MAU2: variants seen among roughly 807,000 people sequenced by gnomAD.
MAU2 encodes MAU2 sister chromatid cohesion factor.
A neutral mutation model predicts 89.1 loss-of-function variants in MAU2; 9 were observed. That is an observed-to-expected ratio of 0.10 (90% confidence interval 0.06 to 0.18). The LOEUF is 0.18. Ranked by LOEUF, MAU2 falls within the 10% of genes least tolerant of loss-of-function variation. The pLI is 1.00. For missense variants in MAU2, 425 were observed against 803.5 expected (o/e 0.53, Z 5.69); for synonymous variants, 357 against 343.4 (o/e 1.04, Z -0.44).
intron 5 of MAU2, among the ~76,000 whole-genome samples, chr19:19,339,915 TC>T (rs1315179049): frequency 3.3e-5 from 5 of 151,640 alleles, no homozygotes; most frequent in African/African-American, 9.7e-5. Context: ...ACACCTGTAA[TC>T]CCAGCACTTT....
chr19:19,336,009 AG>A (rs2061593597), intron 2 of MAU2, 112 bp from the exon 3 acceptor site: 1 of 789,416 alleles, frequency 1.3e-6, no homozygotes, highest in Non-Finnish European at 2.2e-6. Flanking sequence ...ATTTCAGGGC[AG>A]GCAGGGACGT....
chr19:19,345,638 C>G lies in MAU2; in HGVS notation c.1221+269C>G, dbSNP rs2061687350. ...GCGACGCGTCCGGGGACACCACTTT[C>G]ATGCCTGAGTGGGAACTTTTGCGGC... On this transcript the variant is annotated intron_variant, in intron 12 of 18. Transcript: ENST00000262815. This position sits in a 1 kb window ranked among gnomAD's most constrained non-coding sequence, Gnocchi z 4.9. Among the ~76,000 whole-genome samples the G allele has an allele frequency of 6.6e-6, 1 of 152,196 alleles. No individual in the cohort carries two copies. Among genetic ancestry groups the G allele is most frequent in the African/African-American group, 2.4e-5 (1 of 41,438 alleles).
rs777421312 is a variant in MAU2 at position 19,320,889 on chromosome 19, G to A, written c.30G>A (p.Gln10=). MAAQAAAAA[Q]AAAAQAAQAE... is the part of the protein sequence containing the mutation. ...CGGCTCAGGCGGCGGCAGCGGCCCAGGCGGCGGCGGCCCAGGCTGCGCAGG... is the reference window on the plus strand; with the variant it reads ...CGGCTCAGGCGGCGGCAGCGGCCCAAGCGGCGGCGGCCCAGGCTGCGCAGG... The change falls in exon 1 of 19, where the codon CAG becomes CAA. Residue 10 remains glutamine (Q), a synonymous_variant. Transcript: ENST00000262815. 1.3e-6 allele frequency: 2 copies of A among 1,491,952 alleles called. No homozygotes were observed. Among genetic ancestry groups the A allele is most frequent in the East Asian group, 2.5e-5 (1 of 39,346 alleles). 92.4% of individuals were successfully genotyped at this position (1,491,952 alleles called of 1,614,324 possible). A position where few individuals can be genotyped will look rare whatever the true frequency, so the allele number is the denominator to read the frequency against.
chr19:19,344,997 C>T, intron 11 of MAU2, 71 bp downstream of exon 11: 1 of 1,401,578 alleles, frequency 7.1e-7, no homozygotes, highest in South Asian at 1.2e-5. Context: ...TAACCAGATC[C>T]AGAACATTCC....
chr19:19,350,106 C>G (rs898135023), intron 16 of MAU2, among the ~76,000 whole-genome samples: 2 of 145,306 alleles, frequency 1.4e-5, no homozygotes, highest in African/African-American at 5.1e-5. Flanking sequence ...ACCAGCCTAG[C>G]CAACATAGTG....
At chr19:19,329,083 A>G (rs1220761965) in intron 1 of MAU2, 1 of 455,910 alleles carries the variant, frequency 2.2e-6, no homozygotes, top group Admixed American at 2.4e-5. Flanking sequence ...TCACTTTCTC[A>G]GCAAGTGATT....
intron 1 of MAU2, among the ~76,000 whole-genome samples, chr19:19,331,398 A>G (rs1233745337): frequency 1.3e-5 from 2 of 151,824 alleles, no homozygotes; most frequent in Non-Finnish European, 2.9e-5. Context: ...GCTACTCAGG[A>G]GGCTGAGGCA....
rs3752150 is a variant in MAU2, at chr19:19,354,580, A to G, written c.1639+135A>G. The G allele has an allele frequency of 6.1e-3, 4,574 of 744,958 alleles. 195 individuals are homozygous for G. The East Asian group carries it at 0.093, about 15-fold the overall frequency. 46.1% of individuals were successfully genotyped at this position (744,958 alleles called of 1,614,324 possible). On this transcript the variant is annotated intron_variant, in intron 17 of 18. Coordinates refer to ENST00000262815, the MANE Select transcript of MAU2 (RefSeq NM_015329.4). ...CCGCAGCCCCAGTTCTAGCATGGGT[A>G]GGGGGTGCTCCTCAGGAGACCCTGG... is the stretch of plus-strand genomic sequence containing the variant.
chr19:19,334,967 G>A (rs1020747265), intron 1 of MAU2, among the ~76,000 whole-genome samples: 2 of 152,236 alleles, frequency 1.3e-5, no homozygotes, highest in African/African-American at 4.8e-5. Flanking sequence ...TGGCACATGC[G>A]AGTCGCTGGG....
rs1415782446 is a variant in MAU2, at chr19:19,357,070, C to T, written c.*1288C>T. On this transcript the variant is annotated 3_prime_UTR_variant, in exon 19 of 19. Coordinates refer to ENST00000262815, the MANE Select transcript of MAU2 (RefSeq NM_015329.4). Reference sequence around the variant, plus strand: ...TGTCACCCTCACTCAGTGGAACTGCCTCTGGGAGCTTTGGCGTCTGTGACT... The same window carrying T: ...TGTCACCCTCACTCAGTGGAACTGCTTCTGGGAGCTTTGGCGTCTGTGACT... The T allele has an allele frequency of 6.6e-6, 1 of 152,308 alleles. No individual in the cohort carries two copies. Among genetic ancestry groups the T allele is most frequent in the Non-Finnish European group, 1.5e-5 (1 of 68,152 alleles). 9.4% of individuals were successfully genotyped at this position (152,308 alleles called of 1,614,324 possible).
Position 19,338,831 on chromosome 19 carries a change from T to A in MAU2, c.457-14T>A. The A allele has an allele frequency of 1.9e-6, 3 of 1,604,600 alleles. No individual in the cohort carries two copies. The highest frequency in any genetic ancestry group is 2.6e-6 in the Non-Finnish European group (3 of 1,173,632). On this transcript the variant is annotated splice_polypyrimidine_tract_variant and intron_variant, in intron 4 of 18. Transcript: ENST00000262815. ...GGTTTGGCAGCAAAGGTCACTGCTC[T>A]CTTTCCTTTTTAGCAACTGCACACG...
intron 1 of MAU2, among the ~76,000 whole-genome samples, chr19:19,329,621 C>G (rs1279793852): frequency 6.6e-6 from 1 of 152,080 alleles, no homozygotes; most frequent in Non-Finnish European, 1.5e-5. Flanking sequence ...GCCAGGGAAG[C>G]TGCTAAATGC....
Position 19,344,886 on chromosome 19 carries a change from G to T in MAU2, c.1115G>T (p.Arg372Leu). 6.2e-7 allele frequency: 1 copy of T among 1,613,718 alleles called. No homozygotes were observed. The highest frequency in any genetic ancestry group is 8.5e-7 in the Non-Finnish European group (1 of 1,179,998). Residue 372 changes from arginine to leucine, a missense_variant, in exon 11 of 19, where the codon CGG becomes CTG. This residue lies in a region of MAU2 where 39 missense variants were observed against 56.3 expected (regional missense o/e 0.69). Coordinates refer to ENST00000262815, the MANE Select transcript of MAU2 (RefSeq NM_015329.4). ...TGCCAGCTGTGCCAGCAGTCCCCCC[G>T]GCTCTTCTCCAACCATGCAGCACAG... ...QVCQLCQQSPRLFSNHAAQLH... is the reference protein window; with the variant it reads ...QVCQLCQQSPLLFSNHAAQLH...
At chr19:19,323,568 G>A (rs756535208) in intron 1 of MAU2, among the ~76,000 whole-genome samples, 3 of 152,072 alleles carry the variant, frequency 2.0e-5, no homozygotes, top group Non-Finnish European at 2.9e-5. Flanking sequence ...GTGCACTGGC[G>A]TGATCTCAGC....
Position 19,354,550 on chromosome 19 carries a change from G to A in MAU2, c.1639+105G>A, listed in dbSNP as rs550786480. The A allele has an allele frequency of 8.8e-4, 855 of 975,372 alleles. 1 individual carries two copies. The highest frequency in any genetic ancestry group is 1.2e-3 in the Non-Finnish European group (775 of 631,926). The allele number at this position is 975,372 out of a possible 1,614,324, so 60.4% of individuals were successfully genotyped here. ...CAGCCTTAGCTCGGACTAGGCCTCC[G>A]TGGGCCGCAGCCCCAGTTCTAGCAT... On this transcript the variant is annotated intron_variant, in intron 17 of 18. Transcript: ENST00000262815.
chr19:19,323,185 C>T (rs2061476147), intron 1 of MAU2, among the ~76,000 whole-genome samples: 1 of 151,914 alleles, frequency 6.6e-6, no homozygotes, highest in South Asian at 2.1e-4. Context: ...CTGCGCCCAG[C>T]CCCAGATAAT....
intron 1 of MAU2, among the ~76,000 whole-genome samples, chr19:19,323,653 C>T (rs1037528537): frequency 3.3e-5 from 5 of 151,978 alleles, no homozygotes; most frequent in Admixed American, 6.6e-5. Flanking sequence ...ACCACAGGTA[C>T]GCACCACCAC....
At chr19:19,348,569 A>C (rs532831223) in intron 13 of MAU2, 1 of 519,110 alleles carries the variant, frequency 1.9e-6, no homozygotes, top group East Asian at 3.5e-5. Context: ...CACAGGGCTC[A>C]CGGGCCCCAG....
rs2048199502 is a variant in MAU2, at chr19:19,358,085, A to C, written c.*2303A>C. ...TGACGGTGAGACTTTGTCTCAAAAA[A>C]AAAAAAAAAAACAATGGAAGGCAGA... On this transcript the variant is annotated 3_prime_UTR_variant, in exon 19 of 19. Coordinates refer to ENST00000262815, the MANE Select transcript of MAU2 (RefSeq NM_015329.4). The C allele has an allele frequency of 2.0e-5, 3 of 152,214 alleles. No homozygotes were observed. In the South Asian group the frequency reaches 6.2e-4, roughly 32 times the overall value. The allele number at this position is 152,214 out of a possible 1,614,324, so 9.4% of individuals were successfully genotyped here. A position where few individuals can be genotyped will look rare whatever the true frequency, so the allele number is the denominator to read the frequency against.
Sources: gnomAD v4.1 joint callset for allele counts (sites outside exome capture counted in the v4.1 genomes callset) on GRCh38, gnomAD v4.1.1 for gene constraint, gnomAD v4.1.1 regional missense constraint, Gnocchi (gnomAD v3.1) non-coding constraint, MANE v1.5 for transcripts, NCBI Gene and HGNC (gene_info 2026-07-23, HGNC 2026-07-21) for gene names.